The following INTS6 variants were observed in gnomAD, a reference collection of about 807,000 sequenced individuals.
INTS6 encodes the protein DEAD box protein.
A neutral mutation model predicts 104.9 loss-of-function variants in INTS6; 16 were observed. The ratio of observed to expected loss-of-function variants is 0.15; its 90% CI spans 0.10 to 0.23. INTS6 has a LOEUF of 0.23. Ranked by LOEUF, INTS6 falls within the 10% of genes least tolerant of loss-of-function variation. The pLI is 1.00. For synonymous variants in INTS6, 324 were observed against 358.7 expected, an observed-to-expected ratio of 0.90 and a Z score of 1.09; for missense variants, 584 against 1,062.8, an observed-to-expected ratio of 0.55 and a Z score of 6.26.
At chr13:51,439,344 T>C (rs1292396175) in intron 3 of INTS6, 1 of 152,242 alleles carries the variant, frequency 6.6e-6, no homozygotes, top group Non-Finnish European at 1.5e-5. Flanking sequence ...TAATTTTTGA[T>C]AGGACTAATC....
chr13:51,345,008 G>A, the INTS6 span, among the ~76,000 whole-genome samples: 1 of 152,228 alleles, frequency 6.6e-6, no homozygotes, highest in Admixed American at 6.5e-5. Flanking sequence ...AATGAGGTGT[G>A]AATCAGTGTA....
chr13:51,434,077 T>C (rs187475073), intron 3 of INTS6, among the ~76,000 whole-genome samples: 1 of 152,314 alleles, frequency 6.6e-6, no homozygotes, highest in Non-Finnish European at 1.5e-5. Context: ...TTGGACATAA[T>C]TCCATACTAA....
intron 2 of INTS6, 171 bp from the exon 3 acceptor site, chr13:51,451,345 G>A (rs1593788461): frequency 2.4e-6 from 1 of 423,796 alleles, no homozygotes; most frequent in Non-Finnish European, 4.1e-6. Context: ...GGTGGCCCAG[G>A]AATAACCCAG....
chr13:51,371,581 C>G (rs1402344210), intron 15 of INTS6, among the ~76,000 whole-genome samples: 1 of 152,056 alleles, frequency 6.6e-6, no homozygotes, highest in Non-Finnish European at 1.5e-5. Flanking sequence ...CCCAGACTTG[C>G]ATTTGGAATC....
At chr13:51,381,471 T>A (rs1956048208) in intron 10 of INTS6, among the ~76,000 whole-genome samples, 2 of 152,100 alleles carry the variant, frequency 1.3e-5, no homozygotes, top group African/African-American at 4.8e-5. Context: ...CTGTATAAAT[T>A]AATGATGTTG....
At chr13:51,410,059 T>C (rs1173873400) in intron 4 of INTS6, among the ~76,000 whole-genome samples, 1 of 152,158 alleles carries the variant, frequency 6.6e-6, no homozygotes, top group Non-Finnish European at 1.5e-5. Context: ...ATCTGAAAAC[T>C]ACAAATATTG....
At chr13:51,379,859 G>T (rs1479284699) in intron 10 of INTS6, among the ~76,000 whole-genome samples, 2 of 152,044 alleles carry the variant, frequency 1.3e-5, no homozygotes, top group African/African-American at 4.8e-5. Context: ...GGAATAAATG[G>T]ACAGAAGACA....
chr13:51,453,007 C>T lies in INTS6; in HGVS notation c.-482G>A, dbSNP rs1420252437. 6 of 1,013,040 alleles carry T rather than the reference C, an allele frequency of 5.9e-6. No individual in the cohort carries two copies. Among genetic ancestry groups the T allele is most frequent in the African/African-American group, 5.2e-5 (3 of 57,360 alleles). 62.8% of individuals were successfully genotyped at this position (1,013,040 alleles called of 1,614,324 possible). ...TCCCTCCGCACCCCGGCGGTGTCAC[C>T]ACTTTCTCAGCCCCTCTCGCTACTG... On this transcript the variant is annotated 5_prime_UTR_variant, in exon 1 of 18. Coordinates refer to ENST00000311234, the MANE Select transcript of INTS6 (RefSeq NM_012141.3).
chr13:51,432,015 C>T (rs2138106503), intron 3 of INTS6, among the ~76,000 whole-genome samples: 1 of 152,138 alleles, frequency 6.6e-6, no homozygotes, highest in East Asian at 1.9e-4. Context: ...AATGTTCATT[C>T]CCAACTCTTA....
At chr13:51,394,536 T>C (rs2137964252) in intron 5 of INTS6, among the ~76,000 whole-genome samples, 1 of 152,148 alleles carries the variant, frequency 6.6e-6, no homozygotes, top group Middle Eastern at 3.4e-3. Context: ...AGTAAAATAG[T>C]GGAATGCTAG....
At chr13:51,396,750 G>T (rs1288208401) in intron 4 of INTS6, among the ~76,000 whole-genome samples, 4 of 152,164 alleles carry the variant, frequency 2.6e-5, no homozygotes, top group African/African-American at 9.6e-5. Flanking sequence ...AATCCAGAAT[G>T]TGGAACATTA....
intron 15 of INTS6, among the ~76,000 whole-genome samples, chr13:51,373,872 A>T (rs1955863017): frequency 6.6e-6 from 1 of 152,246 alleles, no homozygotes. Context: ...TATCCAAAAT[A>T]GCATACATAT....
At chr13:51,396,201 C>T (rs1304662696) in intron 4 of INTS6, among the ~76,000 whole-genome samples, 1 of 152,146 alleles carries the variant, frequency 6.6e-6, no homozygotes, top group East Asian at 1.9e-4. Context: ...TCTCAAACAT[C>T]TTTACAGCTC....
At chr13:51,434,654 T>G (rs74322538) in intron 3 of INTS6, among the ~76,000 whole-genome samples, 3 of 152,114 alleles carry the variant, frequency 2.0e-5, no homozygotes, top group Admixed American at 6.5e-5. Flanking sequence ...CTCTATTATA[T>G]AAATGTTTGA....
downstream of INTS6, among the ~76,000 whole-genome samples, chr13:51,351,911 G>A (rs1955406729): frequency 6.6e-6 from 1 of 151,960 alleles, no homozygotes; most frequent in African/African-American, 2.4e-5. Context: ...TTCCTCCACT[G>A]AATTTTCTTG....
chr13:51,423,791 A>T (rs1326214425), intron 4 of INTS6, among the ~76,000 whole-genome samples: 1 of 152,080 alleles, frequency 6.6e-6, no homozygotes, highest in Non-Finnish European at 1.5e-5. Flanking sequence ...AAACATTTCT[A>T]ACTTTCTAAC....
In INTS6 at chr13:51,362,122, A is replaced by G. The variant is rs1955590327; in HGVS notation, c.*3630T>C. The G allele has an allele frequency of 7.2e-7, 1 of 1,385,662 alleles. No individual in the cohort carries two copies. The highest frequency in any genetic ancestry group is 1.5e-5 in the African/African-American group (1 of 66,048). The allele number at this position is 1,385,662 out of a possible 1,614,324, so 85.8% of individuals were successfully genotyped here. A position where few individuals can be genotyped will look rare whatever the true frequency, so the allele number is the denominator to read the frequency against. On this transcript the variant is annotated 3_prime_UTR_variant, in exon 18 of 18. Coordinates refer to ENST00000311234, the MANE Select transcript of INTS6 (RefSeq NM_012141.3). ...TTACCTTCTCATTCTCTCAGCTCATATATAGTTAATGTAGATTTTTTTTTT... is the reference window on the plus strand; with the variant it reads ...TTACCTTCTCATTCTCTCAGCTCATGTATAGTTAATGTAGATTTTTTTTTT...
At chr13:51,451,379 T>A in intron 2 of INTS6, 1 of 373,820 alleles carries the variant, frequency 2.7e-6, no homozygotes, top group Non-Finnish European at 4.7e-6. Flanking sequence ...TTTTGGTAGT[T>A]AACTGCCTTA....
At chr13:51,394,919 G>A (rs1182986334) in intron 5 of INTS6, among the ~76,000 whole-genome samples, 1 of 152,096 alleles carries the variant, frequency 6.6e-6, no homozygotes, top group Non-Finnish European at 1.5e-5. Context: ...GGGAAAAATT[G>A]CACTTAACCA....
Sources: allele counts gnomAD v4.1 joint callset (sites outside exome capture counted in the v4.1 genomes callset), GRCh38; gene constraint gnomAD v4.1.1; transcripts MANE v1.5; gene names NCBI Gene and HGNC (gene_info 2026-07-23, HGNC 2026-07-21).